Variants in ZNF280B observed in about 807,000 individuals in gnomAD.
The protein encoded by ZNF280B is suppressor of hairy wing homolog 2.
In ZNF280B, 16 loss-of-function variants were observed where a neutral mutation model predicts 38.0. That is an observed-to-expected ratio of 0.42 (90% CI 0.28 to 0.64). ZNF280B has a LOEUF of 0.64. Ranked by LOEUF, ZNF280B falls within the 30% of genes least tolerant of loss-of-function variation. The pLI, the probability that ZNF280B is intolerant of heterozygous loss-of-function variation, is 0.21. For missense variants in ZNF280B, 581 were observed against 639.6 expected (o/e 0.91, Z 0.99); for synonymous variants, 253 against 230.6 (o/e 1.10, Z -0.88).
intron 2 of ZNF280B, among the ~76,000 whole-genome samples, chr22:22,502,113 C>G (rs139703690): frequency 7.8e-4 from 119 of 151,780 alleles, no homozygotes; most frequent in African/African-American, 2.8e-3. Flanking sequence ...GGCAACAGAG[C>G]GAGACCCTGT....
Position 22,489,088 on chromosome 22 carries a change from G to A in ZNF280B, c.311C>T (p.Ala104Val). 6.2e-7 allele frequency: 1 copy of A among 1,613,892 alleles called. No individual in the cohort carries two copies. The highest frequency in any genetic ancestry group is 8.5e-7 in the Non-Finnish European group (1 of 1,179,968). ...VTSEAVTVLP[A>V]SQLESRSTDS... The stretch of plus-strand genomic sequence containing the variant: ...TGTTGATCTCGATTCAAGTTGGGAA[G>A]CTGGCAGGACGGTCACTGCTTCTGA... Residue 104 changes from alanine to valine, a missense_variant, in exon 4 of 4, where the codon GCT becomes GTT. Physicochemically the swap from Ala to Val is moderately conservative, Grantham distance 64. Coordinates refer to ENST00000626650, the MANE Select transcript of ZNF280B (RefSeq NM_080764.4).
At position 22,488,273 on chromosome 22, in the gene ZNF280B, T is replaced by C; in HGVS notation, c.1126A>G (p.Lys376Glu). ...GTTTCAAATGACAATTCACAGATTT[T>C]ACAGACAGTAGAGGGCTCCTGGGCA... ...HTAQEPSTVCKICELSFETDQ... is the reference protein window; with the variant it reads ...HTAQEPSTVCEICELSFETDQ... The change falls in exon 4 of 4, where the codon AAA becomes GAA. Residue 376 changes from lysine to glutamate, a missense_variant. Physicochemically the swap from Lys to Glu is moderately conservative, Grantham distance 56. Transcript: ENST00000626650. The C allele has an allele frequency of 6.2e-7, 1 of 1,613,888 alleles. No homozygotes were observed. Among genetic ancestry groups the C allele is most frequent in the Non-Finnish European group, 8.5e-7 (1 of 1,179,964 alleles).
rs1486985006 is a variant in ZNF280B, at chr22:22,487,657, T to C, written c.*110A>G. The C allele has an allele frequency of 1.2e-6, 1 of 822,296 alleles. No homozygotes were observed. The highest frequency in any genetic ancestry group is 2.5e-5 in the East Asian group (1 of 39,446). 50.9% of individuals were successfully genotyped at this position (822,296 alleles called of 1,614,324 possible). Reference sequence around the variant, plus strand: ...GTTTAAAAAGTCATATATAATCCACTAGTTTCACTATTTTTGGTGCTACTG... The same window carrying C: ...GTTTAAAAAGTCATATATAATCCACCAGTTTCACTATTTTTGGTGCTACTG... On this transcript the variant is annotated 3_prime_UTR_variant, in exon 4 of 4. Transcript: ENST00000626650.
Position 22,487,682 on chromosome 22 carries a change from G to T in ZNF280B, c.*85C>A. On this transcript the variant is annotated 3_prime_UTR_variant, in exon 4 of 4. Transcript: ENST00000626650. ...TAGTTTCACTATTTTTGGTGCTACT[G>T]AATAATGTATGGTTTGTATTTTTTG... 1 of 1,196,656 alleles carries T rather than the reference G, an allele frequency of 8.4e-7. No homozygotes were observed. The allele number at this position is 1,196,656 out of a possible 1,614,324, so 74.1% of individuals were successfully genotyped here. A position where few individuals can be genotyped will look rare whatever the true frequency, so the allele number is the denominator to read the frequency against.
chr22:22,487,707 G>C lies in ZNF280B; in HGVS notation c.*60C>G. The C allele has an allele frequency of 7.0e-7, 1 of 1,428,688 alleles. No homozygotes were observed. Among genetic ancestry groups the C allele is most frequent in the African/African-American group, 1.4e-5 (1 of 69,828 alleles). 88.5% of individuals were successfully genotyped at this position (1,428,688 alleles called of 1,614,324 possible). A position where few individuals can be genotyped will look rare whatever the true frequency, so the allele number is the denominator to read the frequency against. On this transcript the variant is annotated 3_prime_UTR_variant, in exon 4 of 4. Transcript: ENST00000626650. ...GAATAATGTATGGTTTGTATTTTTT[G>C]TTTTATGAGGTTTTTTAATTTGGTT...
chr22:22,499,278 T>G (rs1201101196), intron 2 of ZNF280B, among the ~76,000 whole-genome samples: 2 of 151,894 alleles, frequency 1.3e-5, no homozygotes, highest in African/African-American at 4.8e-5. Context: ...TTAATTTTTT[T>G]TTTGAGTCGG....
At position 22,487,046 on chromosome 22, in the gene ZNF280B, T is replaced by C. The variant is rs2061511043; in HGVS notation, c.*721A>G. ...CTAGAGTTAACCATGAAATGCTGAA[T>C]GCATGGAAAAAGCTGTAAAGAAAAC... On this transcript the variant is annotated 3_prime_UTR_variant, in exon 4 of 4. Coordinates refer to ENST00000626650, the MANE Select transcript of ZNF280B (RefSeq NM_080764.4). 6.6e-6 allele frequency: 1 copy of C among 152,008 alleles called. No homozygotes were observed. The highest frequency in any genetic ancestry group is 2.4e-5 in the African/African-American group (1 of 41,406). 9.4% of individuals were successfully genotyped at this position (152,008 alleles called of 1,614,324 possible).
At chr22:22,493,896 C>T (rs1172805514) in intron 3 of ZNF280B, among the ~76,000 whole-genome samples, 167 bp downstream of exon 3, 2 of 151,886 alleles carry the variant, frequency 1.3e-5, no homozygotes, top group Non-Finnish European at 2.9e-5. Flanking sequence ...ATGCTATGGG[C>T]TGAACTGTGT....
In ZNF280B at chr22:22,489,077, C is replaced by T. The variant is rs1380789436; in HGVS notation, c.322G>A (p.Glu108Lys). 6 of 1,613,722 alleles carry T rather than the reference C, an allele frequency of 3.7e-6. No homozygotes were observed. The highest frequency in any genetic ancestry group is 5.1e-6 in the Non-Finnish European group (6 of 1,179,968). ...ATAGGACTATCTGTTGATCTCGATT[C>T]AAGTTGGGAAGCTGGCAGGACGGTC... ...AVTVLPASQL[E>K]SRSTDSPIII... Residue 108 changes from glutamate to lysine, a missense_variant, in exon 4 of 4, where the codon GAA (glutamate) becomes AAA (lysine). Glu to Lys is a moderately conservative substitution (Grantham distance 56). Coordinates refer to ENST00000626650, the MANE Select transcript of ZNF280B (RefSeq NM_080764.4).
chr22:22,503,373 T>C (rs559480494), intron 2 of ZNF280B, among the ~76,000 whole-genome samples: 1 of 152,050 alleles, frequency 6.6e-6, no homozygotes, highest in South Asian at 2.1e-4. Flanking sequence ...AAAGGGTGAA[T>C]TTTATGGCAT....
intron 2 of ZNF280B, among the ~76,000 whole-genome samples, chr22:22,502,619 A>C (rs912823693): frequency 6.6e-6 from 1 of 152,000 alleles, no homozygotes; most frequent in Non-Finnish European, 1.5e-5. Flanking sequence ...ACAAACAAGC[A>C]TACAATACGG....
chr22:22,497,141 A>G (rs1210347950), intron 2 of ZNF280B, among the ~76,000 whole-genome samples: 2 of 146,492 alleles, frequency 1.4e-5, no homozygotes, highest in Non-Finnish European at 1.5e-5. Context: ...TAAGCAACAG[A>G]GAAAATCAGT....
At chr22:22,503,261 A>G (rs558749146) in intron 2 of ZNF280B, among the ~76,000 whole-genome samples, 1 of 152,116 alleles carries the variant, frequency 6.6e-6, no homozygotes, top group East Asian at 2.0e-4. Context: ...AATGGATACA[A>G]GGTTTCTTTA....
rs776343232 is a variant in ZNF280B at position 22,487,776 on chromosome 22, C to G, written c.1623G>C (p.Lys541Asn). ...TTTACTGAAACTAGAATTAATGGGA[C>G]TTTTTTGAAATTTTGCTTTTAGACC... ...LPRSKSKISKKSH is the reference protein window; with the variant it reads ...LPRSKSKISKNSH Residue 541 changes from lysine to asparagine, a missense_variant, in exon 4 of 4, where the codon AAG becomes AAC. Lys to Asn is a moderately conservative substitution (Grantham distance 94). Transcript: ENST00000626650. The G allele has an allele frequency of 1.1e-5, 17 of 1,571,080 alleles. No individual in the cohort carries two copies. The highest frequency in any genetic ancestry group is 2.0e-5 in the Admixed American group (1 of 49,286).
intron 2 of ZNF280B, among the ~76,000 whole-genome samples, chr22:22,498,832 C>T (rs1028512335): frequency 5.3e-5 from 7 of 132,728 alleles, no homozygotes; most frequent in African/African-American, 2.0e-4. Flanking sequence ...GGGTCTCGCT[C>T]TGTCGCCCAG....
At chr22:22,501,723 T>C (rs1046263483) in intron 2 of ZNF280B, among the ~76,000 whole-genome samples, 1 of 150,680 alleles carries the variant, frequency 6.6e-6, no homozygotes, top group East Asian at 2.0e-4. Flanking sequence ...ACAAAAAATT[T>C]AAAAACACAG....
intron 2 of ZNF280B, among the ~76,000 whole-genome samples, chr22:22,501,181 A>T (rs910283212): frequency 1.8e-4 from 27 of 152,038 alleles, no homozygotes; most frequent in African/African-American, 6.0e-4. Flanking sequence ...TCTGTTTCAC[A>T]TCAATGCTTG....
In ZNF280B at chr22:22,487,771, T is replaced by TG. The variant is rs2061521149; in HGVS notation, c.1627dup (p.His543ProfsTer44). ...TTAGATTTACTGAAACTAGAATTAATGGGACTTTTTTGAAATTTTGCTTTT... is the reference window on the plus strand; with the variant it reads ...TTAGATTTACTGAAACTAGAATTAATGGGGACTTTTTTGAAATTTTGCTTTT... On this transcript the variant is annotated frameshift_variant, in exon 4 of 4. Coordinates refer to ENST00000626650, the MANE Select transcript of ZNF280B (RefSeq NM_080764.4). LOFTEE classifies it high-confidence loss of function. The TG allele has an allele frequency of 6.4e-7, 1 of 1,571,472 alleles. No individual in the cohort carries two copies. The highest frequency in any genetic ancestry group is 1.2e-5 in the South Asian group (1 of 84,202).
intron 3 of ZNF280B, among the ~76,000 whole-genome samples, chr22:22,489,945 T>C (rs998556194): frequency 1.3e-5 from 2 of 151,974 alleles, no homozygotes; most frequent in African/African-American, 2.4e-5. Context: ...ACCTATTCAA[T>C]GGCAGCTTGA....
Sources: allele counts gnomAD v4.1 joint callset (sites outside exome capture counted in the v4.1 genomes callset), GRCh38; gene constraint gnomAD v4.1.1; transcripts MANE v1.5; gene names NCBI Gene and HGNC (gene_info 2026-07-23, HGNC 2026-07-21).